TRHDE: variants seen among roughly 807,000 people sequenced by gnomAD.
The protein encoded by TRHDE is thyrotropin releasing hormone degrading enzyme.
Under a neutral mutation model 125.7 loss-of-function variants are expected in TRHDE, and 72 were observed. The ratio of observed to expected loss-of-function variants is 0.57; its 90% CI spans 0.47 to 0.70. The LOEUF (loss-of-function observed/expected upper bound fraction) is 0.70. TRHDE is among the 30% of genes least tolerant of loss of function. The probability of loss-of-function intolerance (pLI) is 0.00; values close to 1 mark genes in which losing one functional copy is unlikely to be tolerated. For synonymous variants in TRHDE, 509 were observed against 509.1 expected, an observed-to-expected ratio of 1.00 and a Z score of 0.00; for missense variants, 1,110 against 1,327.1, an observed-to-expected ratio of 0.84 and a Z score of 2.54.
At chr12:72,662,533 G>C (rs1874955871) in intron 18 of TRHDE, among the ~76,000 whole-genome samples, 1 of 151,886 alleles carries the variant, frequency 6.6e-6, no homozygotes, top group South Asian at 2.1e-4. Context: ...TTTTCCACTA[G>C]ACAATACTTT....
intron 6 of TRHDE, among the ~76,000 whole-genome samples, chr12:72,525,968 C>T (rs1592512801): frequency 1.3e-5 from 2 of 152,046 alleles, no homozygotes; most frequent in East Asian, 3.9e-4. Context: ...ATTTAACTCC[C>T]AGTGTAGTTG....
intron 2 of TRHDE, among the ~76,000 whole-genome samples, chr12:72,242,141 AAG>A (rs1878494645): frequency 1.3e-5 from 2 of 152,246 alleles, no homozygotes; most frequent in Admixed American, 1.3e-4. Flanking sequence ...ATTTTTTAAA[AAG>A]ATAATGTTCA....
intron 2 of TRHDE, among the ~76,000 whole-genome samples, chr12:72,298,011 G>C (rs4144730): frequency 0.88 from 133,258 of 152,134 alleles, 58,416 homozygotes; most frequent in East Asian, 0.94. Context: ...AATCTCCATC[G>C]CCTTGTGACT....
At chr12:72,294,095 G>A (rs185509190) in intron 2 of TRHDE, among the ~76,000 whole-genome samples, 1 of 152,294 alleles carries the variant, frequency 6.6e-6, no homozygotes, top group East Asian at 1.9e-4. Flanking sequence ...CAAAGAGGGA[G>A]TCACAGCCCT....
chr12:72,271,152 G>A (rs1829524148), upstream of TRHDE, among the ~76,000 whole-genome samples: 1 of 152,134 alleles, frequency 6.6e-6, no homozygotes, highest in Non-Finnish European at 1.5e-5. Context: ...TTATCCTATG[G>A]GGAAAACATC....
chr12:72,512,801 G>C (rs1279145275), intron 6 of TRHDE, among the ~76,000 whole-genome samples: 1 of 151,036 alleles, frequency 6.6e-6, no homozygotes, highest in Admixed American at 6.7e-5. Flanking sequence ...TAAATGAGAA[G>C]TATACAGGAA....
chr12:72,334,217 G>A (rs778641343), intron 2 of TRHDE, among the ~76,000 whole-genome samples: 13 of 152,260 alleles, frequency 8.5e-5, no homozygotes, highest in Admixed American at 2.6e-4. Flanking sequence ...TGCCATAGTC[G>A]ACATTTTGCT....
At chr12:72,528,281 T>A (rs1055685007) in intron 6 of TRHDE, among the ~76,000 whole-genome samples, 1 of 152,234 alleles carries the variant, frequency 6.6e-6, no homozygotes, top group African/African-American at 2.4e-5. Flanking sequence ...TTCACTAACA[T>A]TAATCACGTA....
intron 1 of TRHDE, among the ~76,000 whole-genome samples, chr12:72,095,293 A>T (rs988118938): frequency 2.0e-5 from 3 of 152,206 alleles, no homozygotes; most frequent in African/African-American, 7.2e-5. Flanking sequence ...TTTAAATAGC[A>T]TAAAGGTTGG....
chr12:72,401,863 C>T (rs1873056368), intron 3 of TRHDE, among the ~76,000 whole-genome samples: 1 of 152,110 alleles, frequency 6.6e-6, no homozygotes, highest in African/African-American at 2.4e-5. Context: ...GGATGAGTAA[C>T]ATCTTTTTCT....
At chr12:72,538,663 G>A (rs1158151676) in intron 6 of TRHDE, among the ~76,000 whole-genome samples, 1 of 151,802 alleles carries the variant, frequency 6.6e-6, no homozygotes, top group African/African-American at 2.4e-5. Context: ...TCCTCAAACA[G>A]CACATTTACA....
chr12:72,145,866 A>G (rs1175194244), intron 2 of TRHDE, among the ~76,000 whole-genome samples: 1 of 152,196 alleles, frequency 6.6e-6, no homozygotes, highest in African/African-American at 2.4e-5. Context: ...AAAAAACATG[A>G]TAAAACATGA....
chr12:72,162,496 T>C (rs1413855869), intron 2 of TRHDE, among the ~76,000 whole-genome samples: 1 of 152,212 alleles, frequency 6.6e-6, no homozygotes, highest in Non-Finnish European at 1.5e-5. Flanking sequence ...TCTTCCTGCA[T>C]TGGCGATGGT....
intron 3 of TRHDE, among the ~76,000 whole-genome samples, chr12:72,428,453 A>G (rs919463818): frequency 6.6e-6 from 1 of 152,122 alleles, no homozygotes; most frequent in Non-Finnish European, 1.5e-5. Context: ...TCAATTATGG[A>G]TAAAGTATCA....
chr12:72,123,694 C>G (rs1285124272), intron 2 of TRHDE, among the ~76,000 whole-genome samples: 1 of 152,034 alleles, frequency 6.6e-6, no homozygotes, highest in African/African-American at 2.4e-5. Context: ...CAATAAACTT[C>G]TCAAATATAT....
chr12:72,530,545 T>C (rs981223777), intron 6 of TRHDE, among the ~76,000 whole-genome samples: 6 of 151,206 alleles, frequency 4.0e-5, no homozygotes, highest in African/African-American at 1.5e-4. Context: ...TCTTCAGGTT[T>C]TTTTTTTTCT....
At chr12:72,251,237 G>C (rs1878677420) in intron 2 of TRHDE, among the ~76,000 whole-genome samples, 1 of 151,900 alleles carries the variant, frequency 6.6e-6, no homozygotes, top group South Asian at 2.1e-4. Flanking sequence ...TCAAGATACA[G>C]AACAGTCCCA....
At chr12:72,538,230 C>T (rs931339893) in intron 6 of TRHDE, among the ~76,000 whole-genome samples, 2 of 151,986 alleles carry the variant, frequency 1.3e-5, no homozygotes, top group African/African-American at 4.8e-5. Context: ...ACCCACAAGT[C>T]TATTTAAATA....
intron 3 of TRHDE, among the ~76,000 whole-genome samples, chr12:72,389,799 G>A (rs935553415): frequency 1.3e-5 from 2 of 152,110 alleles, no homozygotes; most frequent in Non-Finnish European, 2.9e-5. Flanking sequence ...GCAAGGTCTG[G>A]TGTGACTTAC....
Sources: allele counts gnomAD v4.1 joint callset (sites outside exome capture counted in the v4.1 genomes callset), GRCh38; gene constraint gnomAD v4.1.1; transcripts MANE v1.5; gene names NCBI Gene and HGNC (gene_info 2026-07-23, HGNC 2026-07-21).